ENAM: variants seen among roughly 807,000 people sequenced by gnomAD.
ENAM encodes the protein enamelin, also known as amelogenesis imperfecta 2, hypocalcification (autosomal dominant).
A neutral mutation model predicts 33.6 loss-of-function variants in ENAM; 21 were observed. The ratio of observed to expected loss-of-function variants is 0.63; its 90% CI spans 0.44 to 0.90. ENAM has a LOEUF of 0.90. Ranked by LOEUF, ENAM falls within the 40% of genes least tolerant of loss-of-function variation. The pLI, the probability that ENAM is intolerant of heterozygous loss-of-function variation, is 0.00. For missense variants in ENAM, 1,388 were observed against 1,366.9 expected (o/e 1.02, Z -0.24); for synonymous variants, 473 against 468.4 (o/e 1.01, Z -0.13).
Position 70,642,374 on chromosome 4 carries a change from T to G in ENAM, c.948T>G (p.Ile316Met), listed in dbSNP as rs1738622042. The change falls in exon 9 of 9, where the codon ATT (isoleucine) becomes ATG (methionine). Residue 316 changes from isoleucine to methionine, a missense_variant. Transcript: ENST00000396073. Reference sequence around the variant, plus strand: ...CATGGAGACCAAGTCAGCCAAATATTCGTGAAAATCATCCATATCCTAATA... The same window carrying G: ...CATGGAGACCAAGTCAGCCAAATATGCGTGAAAATCATCCATATCCTAATA... Reference protein sequence around the residue: ...QIPWRPSQPNIRENHPYPNIR... With the variant: ...QIPWRPSQPNMRENHPYPNIR... 6.2e-7 allele frequency: 1 copy of G among 1,614,048 alleles called. No individual in the cohort carries two copies. Among genetic ancestry groups the G allele is most frequent in the African/African-American group, 1.3e-5 (1 of 74,906 alleles).
chr4:70,643,101 C>T lies in ENAM; in HGVS notation c.1675C>T (p.His559Tyr), dbSNP rs1738645670. ...PEEIPSPAKE[H>Y]FPAGRNTWDH... ...GGAAATCCCTTCTCCTGCAAAAGAACATTTTCCTGCTGGAAGAAATACTTG... is the reference window on the plus strand; with the variant it reads ...GGAAATCCCTTCTCCTGCAAAAGAATATTTTCCTGCTGGAAGAAATACTTG... The change falls in exon 9 of 9, where the codon CAT becomes TAT. Residue 559 changes from histidine (H) to tyrosine (Y), a missense_variant. Coordinates refer to ENST00000396073, the MANE Select transcript of ENAM (RefSeq NM_031889.3). 6.2e-7 allele frequency: 1 copy of T among 1,614,012 alleles called. No individual in the cohort carries two copies. The highest frequency in any genetic ancestry group is 1.1e-5 in the South Asian group (1 of 91,066).
chr4:70,634,632 C>G, intron 6 of ENAM, 64 bp downstream of exon 6: 1 of 1,478,726 alleles, frequency 6.8e-7, no homozygotes, highest in Non-Finnish European at 9.5e-7. Context: ...GAGGGCCATG[C>G]CACCCCCATA....
At position 70,644,144 on chromosome 4, in the gene ENAM, C is replaced by T. The variant is rs762888874; in HGVS notation, c.2718C>T (p.Thr906=). 6.2e-7 allele frequency: 1 copy of T among 1,614,080 alleles called. No homozygotes were observed. Residue 906 remains threonine (T), a synonymous_variant, in exon 9 of 9, where the codon ACC becomes ACT. Transcript: ENST00000396073. ...YGLAPGENQD[T]SPLYTDGSHT... is the part of the protein sequence containing the mutation. Reference sequence around the variant, plus strand: ...TTGCACCTGGGGAGAACCAAGACACCAGTCCTCTGTATACAGACGGTAGTC... The same window carrying T: ...TTGCACCTGGGGAGAACCAAGACACTAGTCCTCTGTATACAGACGGTAGTC...
rs763240108 is a variant in ENAM at position 70,644,074 on chromosome 4, A to G, written c.2648A>G (p.Lys883Arg). Residue 883 changes from lysine (K) to arginine (R), a missense_variant, in exon 9 of 9, where the codon AAG becomes AGG. Lys to Arg is a conservative substitution (Grantham distance 26, BLOSUM62 2). Coordinates refer to ENST00000396073, the MANE Select transcript of ENAM (RefSeq NM_031889.3). ...SCCAGSSTGP[K>R]DNPLALQDYT... Reference sequence around the variant, plus strand: ...TGTGCTGGTAGCTCCACAGGGCCCAAGGACAATCCACTAGCTCTACAAGAC... The same window carrying G: ...TGTGCTGGTAGCTCCACAGGGCCCAGGGACAATCCACTAGCTCTACAAGAC... 1.9e-6 allele frequency: 3 copies of G among 1,614,102 alleles called. No individual in the cohort carries two copies. The East Asian group carries it at 6.7e-5, about 36-fold the overall frequency.
chr4:70,634,662 A>G lies in ENAM; in HGVS notation c.471+94A>G. 1.3e-5 allele frequency: 16 copies of G among 1,196,904 alleles called. No homozygotes were observed. In the South Asian group the frequency reaches 2.0e-4, roughly 15 times the overall value. The allele number at this position is 1,196,904 out of a possible 1,614,324, so 74.1% of individuals were successfully genotyped here. A position where few individuals can be genotyped will look rare whatever the true frequency, so the allele number is the denominator to read the frequency against. ...CCCATATACACACTTCAATACAGGT[A>G]CTCTGTTGCAATACCAATGTTTGTT... On this transcript the variant is annotated intron_variant, in intron 6 of 8. Transcript: ENST00000396073.
intron 8 of ENAM, among the ~76,000 whole-genome samples, chr4:70,641,508 C>T (rs776485813): frequency 7.2e-5 from 11 of 151,802 alleles, no homozygotes; most frequent in Non-Finnish European, 1.5e-4. Flanking sequence ...CTGCCTCAGC[C>T]TCCTGAGTAA....
In ENAM at chr4:70,641,100, G is replaced by C. The variant is rs1294065118; in HGVS notation, c.589-915G>C. ...ATTAATAGTCTGAAGTACTAAGAGAGAGCAGAAACTTAAGAAACTGTACAG... is the reference window on the plus strand; with the variant it reads ...ATTAATAGTCTGAAGTACTAAGAGACAGCAGAAACTTAAGAAACTGTACAG... On this transcript the variant is annotated intron_variant, in intron 8 of 8. Transcript: ENST00000396073. 6.6e-5 allele frequency among the ~76,000 whole-genome samples: 10 copies of C among 152,286 alleles called. No homozygotes were observed. The East Asian group carries it at 1.7e-3, about 26-fold the overall frequency.
At chr4:70,637,995 T>C in intron 8 of ENAM, 152 bp downstream of exon 8, 1 of 659,310 alleles carries the variant, frequency 1.5e-6, no homozygotes, top group Middle Eastern at 3.8e-4. Flanking sequence ...GTTAAACAAA[T>C]CAAGCCAGTG....
intron 6 of ENAM, among the ~76,000 whole-genome samples, chr4:70,635,247 C>A (rs746806679): frequency 6.6e-6 from 1 of 152,008 alleles, no homozygotes; most frequent in Non-Finnish European, 1.5e-5. Context: ...CTTGGTGGTG[C>A]GTGCCTGTAA....
At chr4:70,631,443 G>A (rs753947547) in intron 2 of ENAM, among the ~76,000 whole-genome samples, 5 of 150,196 alleles carry the variant, frequency 3.3e-5, no homozygotes, top group Admixed American at 2.0e-4. Context: ...TCTCTCTCAC[G>A]CACACACACT....
rs777606639 is a variant in ENAM at position 70,643,305 on chromosome 4, C to G, written c.1879C>G (p.Pro627Ala). The change falls in exon 9 of 9, where the codon CCC becomes GCC. Residue 627 changes from proline (P) to alanine (A), a missense_variant. Physicochemically the swap from Pro to Ala is conservative, Grantham distance 27. Transcript: ENST00000396073. ...GNTWDERDDS[P>A]NTMGQKESPL... ...TACATGGGATGAGAGAGATGATTCT[C>G]CCAATACTATGGGGCAAAAAGAAAG... is the stretch of plus-strand genomic sequence containing the variant. 6.2e-7 allele frequency: 1 copy of G among 1,613,896 alleles called. No individual in the cohort carries two copies. The highest frequency in any genetic ancestry group is 1.1e-5 in the South Asian group (1 of 91,046).
chr4:70,631,600 A>C, intron 2 of ENAM, 70 bp from the exon 3 acceptor site: 2 of 1,106,624 alleles, frequency 1.8e-6, no homozygotes. Flanking sequence ...GCTAGTACTT[A>C]GATAAGTGCA....
chr4:70,636,611 A>C (rs1438850578), intron 7 of ENAM, among the ~76,000 whole-genome samples: 2 of 152,196 alleles, frequency 1.3e-5, no homozygotes, highest in Admixed American at 6.5e-5. Context: ...TCTACTAAAA[A>C]TACAAAAATT....
intron 6 of ENAM, among the ~76,000 whole-genome samples, chr4:70,634,827 T>C (rs556973970): frequency 3.9e-5 from 6 of 152,306 alleles, no homozygotes; most frequent in African/African-American, 1.2e-4. Flanking sequence ...AATCTAACAG[T>C]CGAGAATCAA....
chr4:70,632,216 A>T (rs1415186356), intron 4 of ENAM, among the ~76,000 whole-genome samples: 2 of 152,156 alleles, frequency 1.3e-5, no homozygotes, highest in African/African-American at 4.8e-5. Flanking sequence ...GTAGATGCTT[A>T]AAAATAGAAA....
chr4:70,632,636 T>A lies in ENAM; in HGVS notation c.169-15T>A, dbSNP rs1416749900. 3 of 1,572,928 alleles carry A rather than the reference T, an allele frequency of 1.9e-6. No homozygotes were observed. In the South Asian group the frequency reaches 3.3e-5, roughly 17 times the overall value. On this transcript the variant is annotated splice_polypyrimidine_tract_variant and intron_variant, in intron 4 of 8. Coordinates refer to ENST00000396073, the MANE Select transcript of ENAM (RefSeq NM_031889.3). ...TTTCACTTTGTATCACATTAATGGA[T>A]TCCTTTGGTTGCAGATGATGCGGTA...
At position 70,629,580 on chromosome 4, in the gene ENAM, A is replaced by C. The variant is rs905159533; in HGVS notation, c.54+26A>C. 3 of 1,550,372 alleles carry C rather than the reference A, an allele frequency of 1.9e-6. No individual in the cohort carries two copies. In the African/African-American group the frequency reaches 4.1e-5, roughly 21 times the overall value. On this transcript the variant is annotated intron_variant, in intron 2 of 8. Coordinates refer to ENST00000396073, the MANE Select transcript of ENAM (RefSeq NM_031889.3). ...GTGAGTACTTTCATTTATTTTTGCCAATACATACAGGTTCTCAAACTAGAT... is the reference window on the plus strand; with the variant it reads ...GTGAGTACTTTCATTTATTTTTGCCCATACATACAGGTTCTCAAACTAGAT...
Position 70,635,894 on chromosome 4 carries a change from G to A in ENAM, c.534G>A (p.Gln178=). The A allele has an allele frequency of 6.3e-7, 1 of 1,590,924 alleles. No homozygotes were observed. Among genetic ancestry groups the A allele is most frequent in the Non-Finnish European group, 8.6e-7 (1 of 1,161,564 alleles). Residue 178 remains glutamine (Q), a splice_region_variant and synonymous_variant, in exon 7 of 9, where the codon CAG becomes CAA. Coordinates refer to ENST00000396073, the MANE Select transcript of ENAM (RefSeq NM_031889.3). ...PYQQPPWQIP[Q]RLPPPGYGRP... ...AACAACCACCATGGCAAATTCCACA[G>A]GTGAGAAATTTTTTTTTCTTTACAC... is the stretch of plus-strand genomic sequence containing the variant.
At chr4:70,639,823 AG>A (rs1344597355) in intron 8 of ENAM, among the ~76,000 whole-genome samples, 2 of 152,070 alleles carry the variant, frequency 1.3e-5, no homozygotes, top group Admixed American at 1.3e-4. Flanking sequence ...TGGGAATTCA[AG>A]GCTGCAGGGA....
Sources: allele counts gnomAD v4.1 joint callset (sites outside exome capture counted in the v4.1 genomes callset), GRCh38; gene constraint gnomAD v4.1.1; transcripts MANE v1.5; gene names NCBI Gene and HGNC (gene_info 2026-07-23, HGNC 2026-07-21).